PTPRD: variants seen among roughly 807,000 people sequenced by gnomAD.
PTPRD encodes the protein receptor-type tyrosine-protein phosphatase delta.
In PTPRD, 34 loss-of-function variants were observed where a neutral mutation model predicts 214.5. That is an observed-to-expected ratio of 0.16 (90% CI 0.12 to 0.21). PTPRD has a LOEUF of 0.21. PTPRD is among the 10% of genes least tolerant of loss of function. The pLI, the probability that PTPRD is intolerant of heterozygous loss-of-function variation, is 1.00. For missense variants in PTPRD, 2,545 were observed against 2,398.7 expected, an observed-to-expected ratio of 1.06 and a Z score of -1.27; for synonymous variants, 1,128 against 845.7, an observed-to-expected ratio of 1.33 and a Z score of -5.79.
chr9:10,599,356 A>G (rs2077421743), intron 2 of PTPRD, among the ~76,000 whole-genome samples: 1 of 151,782 alleles, frequency 6.6e-6, no homozygotes, highest in Non-Finnish European at 1.5e-5. Flanking sequence ...CTTGTTTGGG[A>G]AGTCTTATGG....
At chr9:9,928,233 A>G (rs1323749154) in intron 5 of PTPRD, among the ~76,000 whole-genome samples, 1 of 152,182 alleles carries the variant, frequency 6.6e-6, no homozygotes, top group Non-Finnish European at 1.5e-5. Flanking sequence ...TATTAATATT[A>G]CATGGTTAGA....
intron 2 of PTPRD, among the ~76,000 whole-genome samples, chr9:10,483,944 T>G (rs1268541066): frequency 6.6e-6 from 1 of 152,086 alleles, no homozygotes; most frequent in African/African-American, 2.4e-5. Context: ...CAAAGGGAAT[T>G]AAATCATCAT....
chr9:10,361,480 T>C (rs1013798127), intron 2 of PTPRD, among the ~76,000 whole-genome samples: 1 of 152,122 alleles, frequency 6.6e-6, no homozygotes, highest in African/African-American at 2.4e-5. Context: ...GAGTGGACAG[T>C]TGGGTGTGGG....
chr9:8,716,691 G>A (rs552392463), intron 12 of PTPRD, among the ~76,000 whole-genome samples: 4 of 150,748 alleles, frequency 2.7e-5, no homozygotes, highest in South Asian at 2.1e-4. Flanking sequence ...CAAAGGATCC[G>A]GAGCATGCAC....
At chr9:9,463,414 G>A (rs2093846577) in intron 8 of PTPRD, among the ~76,000 whole-genome samples, 2 of 152,032 alleles carry the variant, frequency 1.3e-5, no homozygotes, top group Non-Finnish European at 2.9e-5. Context: ...GATTTGGAGA[G>A]AGCTCCAGAG....
intron 9 of PTPRD, among the ~76,000 whole-genome samples, chr9:9,202,058 A>G (rs2099942154): frequency 6.6e-6 from 1 of 152,220 alleles, no homozygotes; most frequent in South Asian, 2.1e-4. Context: ...GAAGATAAGA[A>G]AAGCCTTGAT....
At chr9:9,293,737 T>C (rs969315677) in intron 9 of PTPRD, among the ~76,000 whole-genome samples, 5 of 151,644 alleles carry the variant, frequency 3.3e-5, no homozygotes, top group African/African-American at 1.2e-4. Flanking sequence ...CATGTTTCTA[T>C]TCATGTCTTC....
In PTPRD at chr9:9,395,458, T is replaced by C. The variant is rs531383613; in HGVS notation, c.-203+1991A>G. Among the ~76,000 whole-genome samples, 8 of 152,246 alleles carry C rather than the reference T, an allele frequency of 5.3e-5. No homozygotes were observed. In the South Asian group the frequency reaches 1.7e-3, roughly 32 times the overall value. On this transcript the variant is annotated intron_variant, in intron 9 of 45. Transcript: ENST00000381196. Reference sequence around the variant, plus strand: ...CTAGCCTTTTCGACTTCACAGTTGATTCTGATATGCAACCTGGTTTAAGAA... The same window carrying C: ...CTAGCCTTTTCGACTTCACAGTTGACTCTGATATGCAACCTGGTTTAAGAA...
intron 11 of PTPRD, among the ~76,000 whole-genome samples, chr9:8,836,771 T>C (rs765986224): frequency 6.6e-6 from 1 of 151,482 alleles, no homozygotes; most frequent in Non-Finnish European, 1.5e-5. Context: ...TAATTTTTTG[T>C]ATTTTTATTA....
chr9:8,528,823 A>T, intron 14 of PTPRD, 44 bp from the exon 15 acceptor site: 1 of 1,583,192 alleles, frequency 6.3e-7, no homozygotes, highest in Non-Finnish European at 8.7e-7. Context: ...AATAAGTCAG[A>T]TGCTCCAAAT....
chr9:9,378,783 A>G (rs1484389071), intron 9 of PTPRD, among the ~76,000 whole-genome samples: 1 of 152,062 alleles, frequency 6.6e-6, no homozygotes, highest in Non-Finnish European at 1.5e-5. Flanking sequence ...TCACCTTTTC[A>G]TATGCTTAAT....
chr9:10,499,277 G>C (rs2042971934), intron 2 of PTPRD, among the ~76,000 whole-genome samples: 1 of 151,882 alleles, frequency 6.6e-6, no homozygotes, highest in Admixed American at 6.6e-5. Flanking sequence ...AGAACATGCA[G>C]TGTTTGGTTT....
intron 2 of PTPRD, among the ~76,000 whole-genome samples, chr9:10,411,113 C>G (rs1331492364): frequency 6.6e-6 from 1 of 151,706 alleles, no homozygotes; most frequent in African/African-American, 2.4e-5. Flanking sequence ...CATTATTGTT[C>G]AGAATGAGAT....
chr9:9,676,334 T>A (rs1269159256), intron 7 of PTPRD, among the ~76,000 whole-genome samples: 15 of 140,758 alleles, frequency 1.1e-4, no homozygotes, highest in African/African-American at 3.4e-4. Context: ...TGTCCATGTG[T>A]TCTCATTGTT....
intron 6 of PTPRD, among the ~76,000 whole-genome samples, chr9:9,750,691 T>C (rs1400813516): frequency 6.6e-6 from 1 of 152,122 alleles, no homozygotes; most frequent in Non-Finnish European, 1.5e-5. Flanking sequence ...ATAAGAAATC[T>C]TAAATAAGTG....
intron 22 of PTPRD, among the ~76,000 whole-genome samples, chr9:8,505,676 A>G (rs925117041): frequency 3.3e-5 from 5 of 151,844 alleles, no homozygotes; most frequent in Non-Finnish European, 7.4e-5. Flanking sequence ...ATTCAAATAT[A>G]AAACTAGAGA....
chr9:10,035,837 G>A (rs907398758), intron 3 of PTPRD, among the ~76,000 whole-genome samples: 6 of 151,802 alleles, frequency 4.0e-5, no homozygotes, highest in African/African-American at 1.5e-4. Context: ...AAAAAAAATA[G>A]GCATGAAAAG....
intron 2 of PTPRD, among the ~76,000 whole-genome samples, chr9:10,346,365 T>C (rs1197111019): frequency 6.6e-6 from 1 of 152,110 alleles, no homozygotes; most frequent in East Asian, 1.9e-4. Flanking sequence ...AATAAATGAA[T>C]CAATCAACTA....
At chr9:8,702,025 G>A (rs539091013) in intron 12 of PTPRD, among the ~76,000 whole-genome samples, 2 of 152,194 alleles carry the variant, frequency 1.3e-5, no homozygotes, top group African/African-American at 4.8e-5. Flanking sequence ...CTGATAGAAG[G>A]CCTTGGCAGA....
Sources: gnomAD v4.1 joint callset for allele counts (sites outside exome capture counted in the v4.1 genomes callset) on GRCh38, gnomAD v4.1.1 for gene constraint, MANE v1.5 for transcripts, NCBI Gene and HGNC (gene_info 2026-07-23, HGNC 2026-07-21) for gene names.